Variants in SYT14 observed in about 807,000 individuals in gnomAD.
SYT14 encodes synaptotagmin-14.
A neutral mutation model predicts 74.2 loss-of-function variants in SYT14; 32 were observed. The ratio of observed to expected loss-of-function variants is 0.43; its 90% CI spans 0.33 to 0.58. SYT14 has a LOEUF of 0.58. Ranked by LOEUF, SYT14 falls within the 20% of genes least tolerant of loss-of-function variation. SYT14 has a pLI of 0.05. For missense variants in SYT14, 791 were observed against 981.8 expected, an observed-to-expected ratio of 0.81 and a Z score of 2.60; for synonymous variants, 298 against 337.7, an observed-to-expected ratio of 0.88 and a Z score of 1.29.
At chr1:210,066,583 T>C (rs2081300440) in intron 5 of SYT14, among the ~76,000 whole-genome samples, 1 of 152,196 alleles carries the variant, frequency 6.6e-6, no homozygotes, top group Non-Finnish European at 1.5e-5. Flanking sequence ...TGTTTGTTTT[T>C]TTCTTGTAAA....
chr1:210,097,013 A>G lies in SYT14; in HGVS notation c.1584+2420A>G, dbSNP rs141706007. Among the ~76,000 whole-genome samples the G allele has an allele frequency of 8.8e-3, 1,337 of 152,312 alleles. 21 individuals carry two copies. The highest frequency in any genetic ancestry group is 0.03 in the African/African-American group (1,243 of 41,560). ...GTATTTCAGAAGCTGCTAACTTGCT[A>G]TCTGTAACCACTTCTTTGGAATTTC... On this transcript the variant is annotated intron_variant, in intron 6 of 9. Coordinates refer to ENST00000637265, the Ensembl canonical transcript of SYT14.
At chr1:210,137,686 T>TC (rs914911679) in intron 7 of SYT14, among the ~76,000 whole-genome samples, 3 of 150,672 alleles carry the variant, frequency 2.0e-5, no homozygotes, top group African/African-American at 7.3e-5. Flanking sequence ...AATTTCTTTT[T>TC]TTTTTTTTTT....
chr1:210,111,518 G>A (rs938130552), intron 7 of SYT14, among the ~76,000 whole-genome samples: 3 of 151,126 alleles, frequency 2.0e-5, no homozygotes, highest in African/African-American at 7.4e-5. Flanking sequence ...AACATTTTTG[G>A]GGGTGGTATG....
intron 2 of SYT14, among the ~76,000 whole-genome samples, chr1:209,984,767 A>G (rs2079543746): frequency 6.6e-6 from 1 of 152,188 alleles, no homozygotes; most frequent in Non-Finnish European, 1.5e-5. Flanking sequence ...TGGCACTGGC[A>G]TCCCTCAGCT....
intron 7 of SYT14, among the ~76,000 whole-genome samples, chr1:210,148,562 A>G (rs974441466): frequency 1.2e-4 from 19 of 152,144 alleles, no homozygotes; most frequent in Admixed American, 3.9e-4. Context: ...TCAAAATTAT[A>G]AGAGAATGAC....
At chr1:210,026,117 G>A (rs2080406223) in intron 5 of SYT14, among the ~76,000 whole-genome samples, 1 of 151,816 alleles carries the variant, frequency 6.6e-6, no homozygotes, top group African/African-American at 2.4e-5. Context: ...AACTACAAAA[G>A]GGATGATATC....
chr1:210,103,786 A>G (rs2082113284), intron 7 of SYT14, among the ~76,000 whole-genome samples: 2 of 152,134 alleles, frequency 1.3e-5, no homozygotes, highest in South Asian at 4.1e-4. Flanking sequence ...ATATTGTCTA[A>G]TTATGCTAGT....
intron 5 of SYT14, among the ~76,000 whole-genome samples, chr1:210,092,824 C>G (rs927311440): frequency 6.6e-6 from 1 of 152,136 alleles, no homozygotes; most frequent in Non-Finnish European, 1.5e-5. Flanking sequence ...TTCATCTGTA[C>G]CAAACATACA....
At chr1:209,956,984 C>T (rs1240179958) in intron 2 of SYT14, among the ~76,000 whole-genome samples, 1 of 151,946 alleles carries the variant, frequency 6.6e-6, no homozygotes, top group Non-Finnish European at 1.5e-5. Flanking sequence ...TGCTGAAGGG[C>T]CTTTTCCCTT....
intron 5 of SYT14, among the ~76,000 whole-genome samples, chr1:210,084,266 A>T (rs1441445298): frequency 6.6e-6 from 1 of 152,216 alleles, no homozygotes; most frequent in Non-Finnish European, 1.5e-5. Context: ...AAAATATAGA[A>T]TGTGCTGATT....
intron 7 of SYT14, among the ~76,000 whole-genome samples, chr1:210,135,684 G>T (rs781448772): frequency 3.3e-5 from 5 of 151,940 alleles, no homozygotes; most frequent in Non-Finnish European, 7.4e-5. Flanking sequence ...ATACATTGTT[G>T]GGTGCTAAAT....
chr1:210,014,826 G>T (rs1416105451), intron 3 of SYT14, among the ~76,000 whole-genome samples: 8 of 151,980 alleles, frequency 5.3e-5, no homozygotes, highest in Non-Finnish European at 1.2e-4. Context: ...CTGGCCTTTG[G>T]TAATTCTCTG....
At chr1:210,109,883 A>G (rs1054089474) in intron 7 of SYT14, among the ~76,000 whole-genome samples, 1 of 152,218 alleles carries the variant, frequency 6.6e-6, no homozygotes, top group Non-Finnish European at 1.5e-5. Flanking sequence ...CCCATCAGTG[A>G]TAGACTGGAT....
intron 5 of SYT14, among the ~76,000 whole-genome samples, chr1:210,055,743 TAC>T (rs2081084040): frequency 6.6e-6 from 1 of 150,722 alleles, no homozygotes; most frequent in African/African-American, 2.4e-5. Flanking sequence ...AGCTCAAGAC[TAC>T]AGTGAGCTAT....
intron 5 of SYT14, among the ~76,000 whole-genome samples, chr1:210,027,114 CAATT>C (rs1395617265): frequency 1.3e-5 from 2 of 151,980 alleles, no homozygotes; most frequent in African/African-American, 4.8e-5. Flanking sequence ...AATATTAAGT[CAATT>C]AATGCATATT....
intron 7 of SYT14, among the ~76,000 whole-genome samples, chr1:210,112,605 A>G (rs751778403): frequency 4.5e-4 from 68 of 151,374 alleles, no homozygotes; most frequent in Non-Finnish European, 9.0e-4. Context: ...GTTGGAAGCT[A>G]GCTGCTGCTT....
At chr1:210,100,391 A>G in exon 7 of SYT14, 1 of 1,613,554 alleles carries the variant, frequency 6.2e-7, no homozygotes, top group South Asian at 1.1e-5. Context: ...AAGATTTTTT[A>G]TTTAACAAAA....
chr1:210,099,501 G>T (rs1345438494), intron 6 of SYT14, among the ~76,000 whole-genome samples: 2 of 152,068 alleles, frequency 1.3e-5, no homozygotes, highest in Non-Finnish European at 2.9e-5. Flanking sequence ...CATTTCCATT[G>T]ATTTTTAAGT....
chr1:210,090,825 A>G (rs114076800), intron 5 of SYT14, among the ~76,000 whole-genome samples: 4,141 of 152,234 alleles, frequency 0.027, 197 homozygotes, highest in African/African-American at 0.093. Flanking sequence ...TTAGTACACT[A>G]TGTAGAATAA....
Sources: allele counts gnomAD v4.1 joint callset (sites outside exome capture counted in the v4.1 genomes callset), GRCh38; gene constraint gnomAD v4.1.1; transcripts MANE v1.5; gene names NCBI Gene and HGNC (gene_info 2026-07-23, HGNC 2026-07-21).